Variants in PML observed in about 807,000 individuals in gnomAD.
PML encodes PML nuclear body scaffold.
In PML, 28 loss-of-function variants were observed where a neutral mutation model predicts 65.2. The ratio of observed to expected loss-of-function variants is 0.43; its 90% confidence interval spans 0.32 to 0.59. PML has a LOEUF of 0.59. Among genes scored for constraint, PML ranks in the 20% least tolerant of loss-of-function variants. The pLI is 0.08. For missense variants in PML, 1,021 were observed against 1,203.4 expected (o/e 0.85, Z 2.24); for synonymous variants, 500 against 508.8 (o/e 0.98, Z 0.23).
rs1316277368 is a variant in PML, at chr15:73,998,090, T to C, written c.216T>C (p.Cys72=). The C allele has an allele frequency of 1.2e-6, 2 of 1,613,750 alleles. No individual in the cohort carries two copies. Among genetic ancestry groups the C allele is most frequent in the Non-Finnish European group, 8.5e-7 (1 of 1,180,014 alleles). The change falls in exon 2 of 9, where the codon TGT becomes TGC. Residue 72 remains cysteine (C), a synonymous_variant. Coordinates refer to ENST00000268058, the MANE Select transcript of PML (RefSeq NM_033238.3). The part of the protein sequence containing the change: ...AEAKCPKLLP[C]LHTLCSGCLE... ...CCAAGTGCCCGAAGCTGCTGCCTTG[T>C]CTGCACACGCTGTGCTCAGGATGCC...
chr15:74,018,498 A>G (rs1468061998), intron 2 of PML, among the ~76,000 whole-genome samples: 1 of 152,000 alleles, frequency 6.6e-6, no homozygotes, highest in Non-Finnish European at 1.5e-5. Flanking sequence ...GGTATTTTGT[A>G]CCTTCTTTTT....
Position 74,023,030 on chromosome 15 carries a change from G to C in PML, c.805G>C (p.Gly269Arg). Residue 269 changes from glycine (G) to arginine (R), a missense_variant, in exon 3 of 9, where the codon GGC becomes CGC. By Grantham distance (125) the Gly-to-Arg change is moderately radical (BLOSUM62 -2). Coordinates refer to ENST00000268058, the MANE Select transcript of PML (RefSeq NM_033238.3). ...AQMHAAVGQL[G>R]RARAETEELI... is the part of the protein sequence containing the mutation. Reference sequence around the variant, plus strand: ...GATGCACGCGGCCGTCGGCCAGCTGGGCCGCGCGCGTGCCGAGACCGAGGA... The same window carrying C: ...GATGCACGCGGCCGTCGGCCAGCTGCGCCGCGCGCGTGCCGAGACCGAGGA... 2 of 1,605,512 alleles carry C rather than the reference G, an allele frequency of 1.2e-6. No homozygotes were observed. The highest frequency in any genetic ancestry group is 1.7e-6 in the Non-Finnish European group (2 of 1,178,300).
In PML at chr15:74,010,517, TAA is replaced by T. The variant is rs59230084; in HGVS notation, c.602+12059_602+12060del. Among the ~76,000 whole-genome samples the T allele has an allele frequency of 2.4e-3, 326 of 133,436 alleles. 1 individual carries two copies. Among genetic ancestry groups the T allele is most frequent in the Middle Eastern group, 0.016 (4 of 254 alleles). 87.5% of individuals were successfully genotyped at this position (133,436 alleles called of 152,430 possible). ...GGGCAACAGAGCGAGGCCTTGTCTC[TAA>T]AAAAAAAAAAAAAAAAAGAAATTAA... is the stretch of plus-strand genomic sequence containing the variant. On this transcript the variant is annotated intron_variant, in intron 2 of 8. Coordinates refer to ENST00000268058, the MANE Select transcript of PML (RefSeq NM_033238.3).
At chr15:74,040,930 A>AGTGGCTGCCATAAAT (rs748091487) in intron 7 of PML, among the ~76,000 whole-genome samples, 8 of 152,194 alleles carry the variant, frequency 5.3e-5, no homozygotes, top group Non-Finnish European at 1.2e-4. Context: ...ACGAGGTTCT[A>AGTGGCTGCCATAAAT]GTGGCTGCCA....
At chr15:74,019,956 C>T (rs2070761768) in intron 2 of PML, among the ~76,000 whole-genome samples, 1 of 152,146 alleles carries the variant, frequency 6.6e-6, no homozygotes, top group Non-Finnish European at 1.5e-5. Context: ...GCTTCTAATT[C>T]TTTGCTATTG....
rs755740305 is a variant in PML, at chr15:74,008,905, G to A, written c.602+10429G>A. Among the ~76,000 whole-genome samples, 33 of 152,202 alleles carry A rather than the reference G, an allele frequency of 2.2e-4. No individual in the cohort carries two copies. In the Middle Eastern group the frequency reaches 0.01, roughly 47 times the overall value. On this transcript the variant is annotated intron_variant, in intron 2 of 8. Coordinates refer to ENST00000268058, the MANE Select transcript of PML (RefSeq NM_033238.3). ...TTATTTATATTTCACCCCATTCCACGGAGAATTTGAGGGGATTTATCACCA... is the reference window on the plus strand; with the variant it reads ...TTATTTATATTTCACCCCATTCCACAGAGAATTTGAGGGGATTTATCACCA...
At chr15:74,036,564 C>T (rs2141885177) in intron 7 of PML, among the ~76,000 whole-genome samples, 1 of 152,258 alleles carries the variant, frequency 6.6e-6, no homozygotes, top group East Asian at 1.9e-4. Context: ...GGTCAAGGCC[C>T]CCTGCTTCCT....
chr15:74,034,783 C>G, intron 7 of PML: 1 of 1,446,146 alleles, frequency 6.9e-7, no homozygotes, highest in South Asian at 1.5e-5. Context: ...AGCCCTGTCT[C>G]TTTTCTGGAA....
Position 74,035,022 on chromosome 15 carries a change from G to A in PML, c.1710+492G>A, listed in dbSNP as rs1402485217. 1.3e-6 allele frequency: 2 copies of A among 1,524,100 alleles called. No homozygotes were observed. Among genetic ancestry groups the A allele is most frequent in the South Asian group, 1.1e-5 (1 of 88,226 alleles). 94.4% of individuals were successfully genotyped at this position (1,524,100 alleles called of 1,614,324 possible). ...CACAGTGAAACAGGTGGCCTCGTGG[G>A]TAGTGACCCTTCTGTCCCTAGAGGT... On this transcript the variant is annotated intron_variant, in intron 7 of 8. Coordinates refer to ENST00000268058, the MANE Select transcript of PML (RefSeq NM_033238.3). This position sits in a 1 kb window ranked among gnomAD's most constrained non-coding sequence, Gnocchi z 4.1.
chr15:74,023,044 C>A lies in PML; in HGVS notation c.819C>A (p.Ala273=), dbSNP rs112627818. ...TCGGCCAGCTGGGCCGCGCGCGTGC[C>A]GAGACCGAGGAGCTGATCCGCGAGC... ...AAVGQLGRAR[A]ETEELIRERV... is the part of the protein sequence containing the mutation. Residue 273 remains alanine, a synonymous_variant, in exon 3 of 9, where the codon GCC becomes GCA. Transcript: ENST00000268058. 75 of 1,604,436 alleles carry A rather than the reference C, an allele frequency of 4.7e-5. No individual in the cohort carries two copies. The African/African-American group carries it at 7.1e-4, about 15-fold the overall frequency.
At chr15:74,008,398 C>T (rs988142312) in intron 2 of PML, among the ~76,000 whole-genome samples, 4 of 152,188 alleles carry the variant, frequency 2.6e-5, no homozygotes, top group African/African-American at 9.7e-5. Context: ...AGTGACTATC[C>T]TCTGGAAGAC....
chr15:74,005,180 G>A (rs1310868625), intron 2 of PML, among the ~76,000 whole-genome samples: 5 of 151,898 alleles, frequency 3.3e-5, no homozygotes, highest in African/African-American at 1.2e-4. Context: ...AGCCTCCCGA[G>A]TAGCTGGGAC....
chr15:74,023,265 A>G lies in PML; in HGVS notation c.1040A>G (p.Asp347Gly), dbSNP rs745978140. ...KCYASDQEVL[D>G]MHGFLRQALC... ...TACGCCTCGGACCAGGAGGTGCTGG[A>G]CATGCACGGTTTCCTGCGCCAGGCG... Residue 347 changes from aspartate (D) to glycine (G), a missense_variant, in exon 3 of 9, where the codon GAC (aspartate) becomes GGC (glycine). Coordinates refer to ENST00000268058, the MANE Select transcript of PML (RefSeq NM_033238.3). 6.2e-7 allele frequency: 1 copy of G among 1,611,078 alleles called. No individual in the cohort carries two copies. Among genetic ancestry groups the G allele is most frequent in the Admixed American group, 1.7e-5 (1 of 59,998 alleles).
chr15:74,038,341 G>A (rs1229452295), intron 7 of PML, among the ~76,000 whole-genome samples: 2 of 151,912 alleles, frequency 1.3e-5, no homozygotes, highest in African/African-American at 4.8e-5. Flanking sequence ...GTCATTAGGG[G>A]CTATACAGTG....
At position 74,047,201 on chromosome 15, in the gene PML, G is replaced by A. The variant is rs1321911505; in HGVS notation, c.*2193G>A. 2 of 231,042 alleles carry A rather than the reference G, an allele frequency of 8.7e-6. No homozygotes were observed. Among genetic ancestry groups the A allele is most frequent in the Admixed American group, 5.7e-5 (1 of 17,692 alleles). The allele number at this position is 231,042 out of a possible 1,614,324, so 14.3% of individuals were successfully genotyped here. On this transcript the variant is annotated 3_prime_UTR_variant, in exon 9 of 9. Transcript: ENST00000268058. ...TGACAGGTGGTAAAACCCTTAAAAA[G>A]GGAGGTGTGGGAGGCCCAGGACTTT...
intron 4 of PML, among the ~76,000 whole-genome samples, chr15:74,029,926 T>C (rs2071243604): frequency 6.6e-6 from 1 of 152,126 alleles, no homozygotes; most frequent in Admixed American, 6.5e-5. Flanking sequence ...TCATCCTCCT[T>C]CTTTTTAAAG....
chr15:74,045,744 CCT>C lies in PML; in HGVS notation c.*737_*738del, dbSNP rs1457606670. On this transcript the variant is annotated 3_prime_UTR_variant, in exon 9 of 9. Coordinates refer to ENST00000268058, the MANE Select transcript of PML (RefSeq NM_033238.3). Reference sequence around the variant, plus strand: ...CCTCACAGCATGGCCCTTGGCTCTTCCTGCACTGCCCTCACCCTCAGCCGTCC... The same window carrying C: ...CCTCACAGCATGGCCCTTGGCTCTTCGCACTGCCCTCACCCTCAGCCGTCC... The C allele has an allele frequency of 4.3e-6, 1 of 233,466 alleles. No individual in the cohort carries two copies. Among genetic ancestry groups the C allele is most frequent in the Admixed American group, 5.6e-5 (1 of 17,750 alleles). The allele number at this position is 233,466 out of a possible 1,614,324, so 14.5% of individuals were successfully genotyped here.
rs1225076550 is a variant in PML, at chr15:74,046,908, T to A, written c.*1900T>A. 3 of 230,136 alleles carry A rather than the reference T, an allele frequency of 1.3e-5. No individual in the cohort carries two copies. The highest frequency in any genetic ancestry group is 2.6e-5 in the Non-Finnish European group (3 of 116,160). The allele number at this position is 230,136 out of a possible 1,614,324, so 14.3% of individuals were successfully genotyped here. On this transcript the variant is annotated 3_prime_UTR_variant, in exon 9 of 9. Transcript: ENST00000268058. Reference sequence around the variant, plus strand: ...CAGCACAACTGTGTTTTGTGGGGCGTCTTTTAGGACTTAGCAGAGCTGAGA... The same window carrying A: ...CAGCACAACTGTGTTTTGTGGGGCGACTTTTAGGACTTAGCAGAGCTGAGA...
intron 1 of PML, among the ~76,000 whole-genome samples, chr15:73,996,206 G>A (rs958826404): frequency 6.6e-6 from 1 of 152,178 alleles, no homozygotes. Flanking sequence ...CATTACTCCA[G>A]AAACTCTGTA....
Sources: gnomAD v4.1 joint callset for allele counts (sites outside exome capture counted in the v4.1 genomes callset) on GRCh38, gnomAD v4.1.1 for gene constraint, Gnocchi (gnomAD v3.1) non-coding constraint, MANE v1.5 for transcripts, NCBI Gene and HGNC (gene_info 2026-07-23, HGNC 2026-07-21) for gene names.